Variants in IMPG1 observed in about 807,000 individuals in gnomAD.
IMPG1 encodes the protein interphotoreceptor matrix proteoglycan 1.
In IMPG1, 85 loss-of-function variants were observed where a neutral mutation model predicts 92.0. The ratio of observed to expected loss-of-function variants is 0.92; its 90% CI spans 0.78 to 1.11. The LOEUF (loss-of-function observed/expected upper bound fraction) is 1.11. IMPG1 is among the 50% of genes least tolerant of loss of function. IMPG1 has a pLI of 0.00. For synonymous variants in IMPG1, 367 were observed against 334.1 expected, an observed-to-expected ratio of 1.10 and a Z score of -1.08; for missense variants, 1,022 against 956.0, an observed-to-expected ratio of 1.07 and a Z score of -0.91.
At chr6:75,930,833 A>G (rs9343332) in intron 15 of IMPG1, 120 bp downstream of exon 15, 867,403 of 882,242 alleles carry the variant, frequency 0.98, 427,539 homozygotes, top group East Asian at 1. Flanking sequence ...TGATTTCTAC[A>G]CTCACTAAAG....
intron 1 of IMPG1, among the ~76,000 whole-genome samples, chr6:76,059,859 T>G (rs953721133): frequency 3.9e-5 from 6 of 152,216 alleles, no homozygotes; most frequent in African/African-American, 1.4e-4. Context: ...AGGTCTAAAC[T>G]GATCTGGGTA....
chr6:76,059,340 T>C (rs1784167461), intron 1 of IMPG1, among the ~76,000 whole-genome samples: 1 of 152,128 alleles, frequency 6.6e-6, no homozygotes, highest in African/African-American at 2.4e-5. Flanking sequence ...AGTTTGGTCA[T>C]GGGCATTTAA....
chr6:76,048,174 AC>A (rs1166017573), intron 1 of IMPG1, among the ~76,000 whole-genome samples: 1 of 152,144 alleles, frequency 6.6e-6, no homozygotes, highest in Non-Finnish European at 1.5e-5. Flanking sequence ...CCCACTGCCT[AC>A]CCCTTACCTG....
At position 76,005,421 on chromosome 6, in the gene IMPG1, T is replaced by A; in HGVS notation, c.1001A>T (p.Glu334Val). ...SFDSNKIESE[E>V]VYHGTMEEDK... ...CTCCTCCATGGTTCCATGATAGACTTCCTCACTTTCAATTTTGTTGGAATC... is the reference window on the plus strand; with the variant it reads ...CTCCTCCATGGTTCCATGATAGACTACCTCACTTTCAATTTTGTTGGAATC... The change falls in exon 10 of 17, where the codon GAA becomes GTA. Residue 334 changes from glutamate to valine, a missense_variant. Transcript: ENST00000369950. 6.2e-7 allele frequency: 1 copy of A among 1,614,100 alleles called. No homozygotes were observed. The highest frequency in any genetic ancestry group is 8.5e-7 in the Non-Finnish European group (1 of 1,179,972).
rs1434273227 is a variant in IMPG1 at position 75,924,534 on chromosome 6, AT to A, written c.2244-829del. ...AATTAATATAATTATATATTATAAT[AT>A]AATTATATAATATAATTAATATAAT... On this transcript the variant is annotated intron_variant, in intron 15 of 16. Coordinates refer to ENST00000369950, the MANE Select transcript of IMPG1 (RefSeq NM_001563.4). 1.9e-3 allele frequency among the ~76,000 whole-genome samples: 128 copies of A among 67,556 alleles called. 1 individual carries two copies. The highest frequency in any genetic ancestry group is 3.5e-3 in the Admixed American group (13 of 3,746). 44.3% of individuals were successfully genotyped at this position (67,556 alleles called of 152,430 possible).
chr6:75,986,587 A>G (rs1782722077), intron 12 of IMPG1, among the ~76,000 whole-genome samples: 1 of 152,224 alleles, frequency 6.6e-6, no homozygotes, highest in African/African-American at 2.4e-5. Context: ...TAGGAGAATG[A>G]TGCTGGTAAT....
At chr6:76,033,570 G>A (rs1017024898) in intron 4 of IMPG1, among the ~76,000 whole-genome samples, 1 of 152,198 alleles carries the variant, frequency 6.6e-6, no homozygotes, top group African/African-American at 2.4e-5. Flanking sequence ...ATTTTTCACA[G>A]AGTATATTAA....
At chr6:76,005,730 A>G (rs1783084833) in intron 9 of IMPG1, among the ~76,000 whole-genome samples, 196 bp from the exon 10 acceptor site, 1 of 152,242 alleles carries the variant, frequency 6.6e-6, no homozygotes, top group Admixed American at 6.5e-5. Flanking sequence ...TATATCTTTT[A>G]GTTCTAAAAT....
intron 13 of IMPG1, among the ~76,000 whole-genome samples, chr6:75,949,502 G>T (rs1781988290): frequency 6.6e-6 from 1 of 152,144 alleles, no homozygotes; most frequent in Non-Finnish European, 1.5e-5. Context: ...CATAAAAATG[G>T]GCAACCAGCA....
chr6:75,989,366 A>G (rs575313385), intron 12 of IMPG1, among the ~76,000 whole-genome samples: 9 of 152,284 alleles, frequency 5.9e-5, no homozygotes, highest in Admixed American at 2.0e-4. Context: ...CCCTTGAGAT[A>G]CTCTGGCTTT....
chr6:75,992,494 T>C (rs1782828214), intron 12 of IMPG1, among the ~76,000 whole-genome samples: 1 of 152,238 alleles, frequency 6.6e-6, no homozygotes, highest in Admixed American at 6.5e-5. Flanking sequence ...CCCTGGTTTA[T>C]TTTACTTTTT....
intron 14 of IMPG1, among the ~76,000 whole-genome samples, chr6:75,937,380 C>G (rs1781763317): frequency 6.6e-6 from 1 of 151,966 alleles, no homozygotes; most frequent in Admixed American, 6.6e-5. Flanking sequence ...TGTGTTGTCA[C>G]TTTTTCTAAA....
At chr6:75,949,632 G>T (rs535912021) in intron 13 of IMPG1, among the ~76,000 whole-genome samples, 4 of 152,206 alleles carry the variant, frequency 2.6e-5, no homozygotes, top group Admixed American at 6.5e-5. Flanking sequence ...TGAGATCCAA[G>T]AACCCTCTCT....
chr6:76,021,781 A>ATATATATATATATATATATG (rs1783429107), intron 6 of IMPG1, among the ~76,000 whole-genome samples: 1 of 132,786 alleles, frequency 7.5e-6, no homozygotes, highest in African/African-American at 2.7e-5. Flanking sequence ...TGGAGAGCAT[A>ATATATATATATATATATATG]TATATATATA....
chr6:76,041,807 G>GT, intron 2 of IMPG1, 86 bp downstream of exon 2: 1 of 859,204 alleles, frequency 1.2e-6, no homozygotes, highest in South Asian at 1.5e-5. Context: ...AGAACTGGAA[G>GT]TTTTAGGCTA....
At chr6:76,003,740 T>C in intron 11 of IMPG1, 134 bp downstream of exon 11, 1 of 654,292 alleles carries the variant, frequency 1.5e-6, no homozygotes. Flanking sequence ...GTGCTGCTTG[T>C]AAAAAACAGA....
chr6:76,016,681 G>T (rs1783294657), intron 7 of IMPG1, among the ~76,000 whole-genome samples: 2 of 152,152 alleles, frequency 1.3e-5, no homozygotes, highest in South Asian at 4.2e-4. Context: ...TTTGTTCCCT[G>T]GCCATGCTGA....
Position 76,018,793 on chromosome 6 carries a change from G to C in IMPG1, c.732C>G (p.Asn244Lys). The C allele has an allele frequency of 6.2e-7, 1 of 1,612,726 alleles. No homozygotes were observed. The highest frequency in any genetic ancestry group is 8.5e-7 in the Non-Finnish European group (1 of 1,179,520). ...CAGCGAGCTCTGCCTTGAACTTCTG[G>C]TTTACCAGAGAGACGCTGAGCTCCA... ...QRVELSVSLV[N>K]QKFKAELADS... is the part of the protein sequence containing the mutation. Residue 244 changes from asparagine (N) to lysine (K), a missense_variant, in exon 7 of 17, where the codon AAC becomes AAG. Asn to Lys is a moderately conservative substitution (Grantham distance 94). Coordinates refer to ENST00000369950, the MANE Select transcript of IMPG1 (RefSeq NM_001563.4).
chr6:75,950,942 G>C lies in IMPG1; in HGVS notation c.1444C>G (p.Pro482Ala), dbSNP rs774692572. 5 of 1,613,974 alleles carry C rather than the reference G, an allele frequency of 3.1e-6. No homozygotes were observed. In the South Asian group the frequency reaches 5.5e-5, roughly 18 times the overall value. ...CTGATTGCAGAATAATCACTGGTGG[G>C]GATGGTGAGCCCTGGTACTAGCATT... ...QTMLVPGLTIPTSDYSAISQL... is the reference protein window; with the variant it reads ...QTMLVPGLTIATSDYSAISQL... The change falls in exon 13 of 17, where the codon CCC (proline) becomes GCC (alanine). Residue 482 changes from proline (P) to alanine (A), a missense_variant. Pro to Ala is a conservative substitution (Grantham distance 27). Coordinates refer to ENST00000369950, the MANE Select transcript of IMPG1 (RefSeq NM_001563.4).
Sources: gnomAD v4.1 joint callset for allele counts (sites outside exome capture counted in the v4.1 genomes callset) on GRCh38, gnomAD v4.1.1 for gene constraint, MANE v1.5 for transcripts, NCBI Gene and HGNC (gene_info 2026-07-23, HGNC 2026-07-21) for gene names.